Variants in EPHA6 observed in about 807,000 individuals in gnomAD.
EPHA6 encodes EPH receptor A6.
EPHA6 carries 50 observed loss-of-function variants against 112.0 expected under a neutral mutation model. The ratio of observed to expected loss-of-function variants is 0.45; its 90% CI spans 0.36 to 0.56. The LOEUF is 0.56. Among genes scored for constraint, EPHA6 ranks in the 20% least tolerant of loss-of-function variants. The probability of loss-of-function intolerance (pLI) is 0.00; values close to 1 mark genes in which losing one functional copy is unlikely to be tolerated. For missense variants in EPHA6, 1,280 were observed against 1,417.4 expected (o/e 0.90, Z 1.56); for synonymous variants, 529 against 490.7 (o/e 1.08, Z -1.03).
chr3:97,657,105 C>T (rs1423598142), intron 14 of EPHA6, among the ~76,000 whole-genome samples: 1 of 151,852 alleles, frequency 6.6e-6, no homozygotes, highest in East Asian at 1.9e-4. Context: ...TGAATCATTA[C>T]CTTGTTCTTT....
chr3:97,582,351 G>A (rs73134915), intron 11 of EPHA6, among the ~76,000 whole-genome samples: 11,883 of 152,008 alleles, frequency 0.078, 622 homozygotes, highest in Middle Eastern at 0.15. Flanking sequence ...TTATGTCTTG[G>A]TTTTATACTC....
chr3:97,212,477 C>T (rs186479016), intron 3 of EPHA6, among the ~76,000 whole-genome samples: 18 of 152,284 alleles, frequency 1.2e-4, no homozygotes, highest in African/African-American at 4.3e-4. Context: ...ATCCTAAAAA[C>T]TGTTGATGTA....
intron 3 of EPHA6, among the ~76,000 whole-genome samples, chr3:97,093,618 T>C (rs2047143624): frequency 6.6e-6 from 1 of 152,020 alleles, no homozygotes; most frequent in Non-Finnish European, 1.5e-5. Context: ...TTAACTGAGA[T>C]AGTGTGCATA....
intron 3 of EPHA6, among the ~76,000 whole-genome samples, chr3:97,000,037 A>C (rs1306924661): frequency 6.6e-6 from 1 of 151,866 alleles, no homozygotes; most frequent in East Asian, 1.9e-4. Context: ...ATATTGTTAA[A>C]TGTGTCAAGT....
intron 3 of EPHA6, among the ~76,000 whole-genome samples, chr3:97,218,185 C>A (rs548445148): frequency 6.6e-6 from 1 of 151,962 alleles, no homozygotes; most frequent in Non-Finnish European, 1.5e-5. Flanking sequence ...GTGGGAGGAC[C>A]ACCTGAGCTT....
At chr3:96,834,032 A>G (rs111411513) in intron 1 of EPHA6, among the ~76,000 whole-genome samples, 1,579 of 152,190 alleles carry the variant, frequency 0.01, 26 homozygotes, top group African/African-American at 0.036. Context: ...TTAACTATCA[A>G]TTATACATTT....
At chr3:96,843,683 A>C (rs999041040) in intron 1 of EPHA6, among the ~76,000 whole-genome samples, 2 of 152,058 alleles carry the variant, frequency 1.3e-5, no homozygotes, top group African/African-American at 4.8e-5. Flanking sequence ...GAATGTTGTA[A>C]GTAAAATTAT....
chr3:97,047,631 T>TA (rs1163042432), intron 3 of EPHA6, among the ~76,000 whole-genome samples: 3 of 151,968 alleles, frequency 2.0e-5, no homozygotes, highest in Admixed American at 2.0e-4. Context: ...GATTATCTTT[T>TA]AAAAATTAAA....
At chr3:97,329,776 A>T (rs935029554) in intron 5 of EPHA6, among the ~76,000 whole-genome samples, 5 of 151,792 alleles carry the variant, frequency 3.3e-5, no homozygotes, top group African/African-American at 7.3e-5. Context: ...TTGCCTGTTC[A>T]CTCTGATGGT....
intron 4 of EPHA6, among the ~76,000 whole-genome samples, chr3:97,242,401 C>T (rs2078872865): frequency 6.6e-6 from 1 of 151,794 alleles, no homozygotes; most frequent in African/African-American, 2.4e-5. Context: ...TGCATATTCT[C>T]CTCACCACCT....
chr3:97,533,115 A>C (rs1251591608), intron 11 of EPHA6, among the ~76,000 whole-genome samples: 1 of 152,032 alleles, frequency 6.6e-6, no homozygotes, highest in Non-Finnish European at 1.5e-5. Context: ...TCAAAAATCC[A>C]AAATTAGCAA....
rs2107916053 is a variant in EPHA6 at position 97,750,095 on chromosome 3, T to C, written c.*1394T>C. On this transcript the variant is annotated 3_prime_UTR_variant, in exon 18 of 18. Transcript: ENST00000389672. Reference sequence around the variant, plus strand: ...CTTATGAACAAATTAAATTATAAAATCAGCTGCTCCCTGTAAAACTAAAAA... The same window carrying C: ...CTTATGAACAAATTAAATTATAAAACCAGCTGCTCCCTGTAAAACTAAAAA... Among the ~76,000 whole-genome samples the C allele has an allele frequency of 6.6e-6, 1 of 152,220 alleles. No individual in the cohort carries two copies. Among genetic ancestry groups the C allele is most frequent in the African/African-American group, 2.4e-5 (1 of 41,548 alleles).
At chr3:97,237,258 C>T (rs1248972970) in intron 4 of EPHA6, among the ~76,000 whole-genome samples, 2 of 151,472 alleles carry the variant, frequency 1.3e-5, no homozygotes, top group African/African-American at 2.4e-5. Flanking sequence ...ATATTCACTT[C>T]GTATATTGCA....
At chr3:96,859,993 G>A (rs192224625) in intron 1 of EPHA6, among the ~76,000 whole-genome samples, 16 of 152,236 alleles carry the variant, frequency 1.1e-4, no homozygotes, top group Non-Finnish European at 1.6e-4. Context: ...AAAAATCCTA[G>A]TAGTGAAAGT....
chr3:97,572,435 A>C (rs2093343679), intron 11 of EPHA6, among the ~76,000 whole-genome samples: 1 of 151,852 alleles, frequency 6.6e-6, no homozygotes, highest in Admixed American at 6.6e-5. Context: ...CAGGCGTGAG[A>C]CACCGCGCCT....
chr3:97,445,072 CTA>C (rs1166707077), intron 6 of EPHA6, among the ~76,000 whole-genome samples: 2 of 152,012 alleles, frequency 1.3e-5, no homozygotes, highest in Non-Finnish European at 2.9e-5. Context: ...TGGTTCCAAA[CTA>C]TTTTTTTTTA....
chr3:97,540,828 A>C (rs1048818932), intron 11 of EPHA6, among the ~76,000 whole-genome samples: 1 of 152,202 alleles, frequency 6.6e-6, no homozygotes, highest in African/African-American at 2.4e-5. Context: ...AATCTTATTG[A>C]CTTTCAAAGA....
At chr3:97,401,315 T>C (rs2086978243) in intron 5 of EPHA6, among the ~76,000 whole-genome samples, 1 of 151,786 alleles carries the variant, frequency 6.6e-6, no homozygotes, top group African/African-American at 2.4e-5. Flanking sequence ...TCCTGGTCTT[T>C]TCTCTGTTGG....
chr3:97,088,337 A>G (rs1456734203), intron 3 of EPHA6, among the ~76,000 whole-genome samples: 1 of 152,140 alleles, frequency 6.6e-6, no homozygotes, highest in Non-Finnish European at 1.5e-5. Flanking sequence ...TTACAAATTG[A>G]TGGACAATGA....
Sources: gnomAD v4.1 joint callset for allele counts (sites outside exome capture counted in the v4.1 genomes callset) on GRCh38, gnomAD v4.1.1 for gene constraint, MANE v1.5 for transcripts, NCBI Gene and HGNC (gene_info 2026-07-23, HGNC 2026-07-21) for gene names.